KAZN: variants seen among roughly 807,000 people sequenced by gnomAD.
KAZN encodes kazrin.
A neutral mutation model predicts 87.4 loss-of-function variants in KAZN; 40 were observed. That is an observed-to-expected ratio of 0.46 (90% CI 0.36 to 0.60). The LOEUF is 0.60. Among genes scored for constraint, KAZN ranks in the 20% least tolerant of loss-of-function variants. KAZN has a pLI of 0.00. For missense variants in KAZN, 898 were observed against 1,073.9 expected, an observed-to-expected ratio of 0.84 and a Z score of 2.29; for synonymous variants, 466 against 458.3, an observed-to-expected ratio of 1.02 and a Z score of -0.22.
chr1:14,208,496 G>T (rs1646788425), intron 2 of KAZN, among the ~76,000 whole-genome samples: 1 of 152,118 alleles, frequency 6.6e-6, no homozygotes, highest in Admixed American at 6.5e-5. Context: ...AGTAGACAGA[G>T]TGAAAAAAAG....
intron 2 of KAZN, among the ~76,000 whole-genome samples, chr1:14,995,823 A>T (rs1667807171): frequency 6.6e-6 from 1 of 152,044 alleles, no homozygotes; most frequent in African/African-American, 2.4e-5. Flanking sequence ...ACCTTCATTT[A>T]TTCTAGGCTC....
chr1:14,837,284 C>T (rs879484173), intron 1 of KAZN, among the ~76,000 whole-genome samples: 6 of 151,280 alleles, frequency 4.0e-5, no homozygotes, highest in East Asian at 2.0e-4. Flanking sequence ...CCGCAACCTC[C>T]GCTTCCCAGG....
At chr1:13,955,159 G>A (rs921320469) in intron 1 of KAZN, among the ~76,000 whole-genome samples, 1 of 152,130 alleles carries the variant, frequency 6.6e-6, no homozygotes, top group African/African-American at 2.4e-5. Context: ...TATATGGGTG[G>A]TGAATTGTGG....
chr1:14,386,820 T>C (rs574829731), intron 2 of KAZN, among the ~76,000 whole-genome samples: 1 of 152,170 alleles, frequency 6.6e-6, no homozygotes, highest in Admixed American at 6.6e-5. Context: ...AGGAGTATCT[T>C]TGTGGCGTTC....
intron 2 of KAZN, among the ~76,000 whole-genome samples, chr1:14,389,477 A>T (rs934745866): frequency 5.9e-4 from 78 of 131,348 alleles, no homozygotes; most frequent in Admixed American, 1.3e-3. Flanking sequence ...ATGAATGGAT[A>T]AAAAAAAATG....
chr1:14,081,024 T>C (rs1643654486), intron 1 of KAZN, among the ~76,000 whole-genome samples: 1 of 152,138 alleles, frequency 6.6e-6, no homozygotes, highest in Non-Finnish European at 1.5e-5. Flanking sequence ...ACCTTTTAGC[T>C]AGCAAGGGTT....
At chr1:14,866,365 C>T (rs908954061) in intron 1 of KAZN, among the ~76,000 whole-genome samples, 2 of 152,202 alleles carry the variant, frequency 1.3e-5, no homozygotes, top group African/African-American at 4.8e-5. Flanking sequence ...CCCATAAGCT[C>T]CTGGTCAAGG....
chr1:14,430,220 A>C (rs1665972228), intron 2 of KAZN, among the ~76,000 whole-genome samples: 1 of 152,170 alleles, frequency 6.6e-6, no homozygotes, highest in African/African-American at 2.4e-5. Context: ...AACCAAAAAA[A>C]AAAAAAAAAA....
chr1:14,412,944 T>G (rs944616742), intron 2 of KAZN, among the ~76,000 whole-genome samples: 3 of 149,210 alleles, frequency 2.0e-5, no homozygotes, highest in Admixed American at 6.7e-5. Context: ...TAATCCTATA[T>G]ATAATACATA....
chr1:14,498,940 C>T (rs1670096499), intron 2 of KAZN, among the ~76,000 whole-genome samples: 1 of 152,012 alleles, frequency 6.6e-6, no homozygotes, highest in African/African-American at 2.4e-5. Flanking sequence ...TCTTGCCTGT[C>T]CTCGGTGCTT....
At chr1:14,751,944 A>C (rs560439198) in intron 1 of KAZN, among the ~76,000 whole-genome samples, 78 of 152,150 alleles carry the variant, frequency 5.1e-4, no homozygotes, top group African/African-American at 1.7e-3. Context: ...GAAGAAAAAA[A>C]GTTTTATTTG....
At chr1:13,910,215 G>GT (rs1411841877) in intron 1 of KAZN, among the ~76,000 whole-genome samples, 1 of 152,152 alleles carries the variant, frequency 6.6e-6, no homozygotes, top group Admixed American at 6.5e-5. Flanking sequence ...TTGTTTAAAA[G>GT]TATGTGACAC....
intron 1 of KAZN, among the ~76,000 whole-genome samples, chr1:14,167,542 G>A (rs1030918508): frequency 6.6e-6 from 1 of 152,084 alleles, no homozygotes; most frequent in Non-Finnish European, 1.5e-5. Flanking sequence ...GGCCAACATG[G>A]GGAAACCCCA....
chr1:14,299,994 G>T (rs1044214329), intron 2 of KAZN, among the ~76,000 whole-genome samples: 4 of 152,106 alleles, frequency 2.6e-5, no homozygotes, highest in East Asian at 1.9e-4. Context: ...TTTTGTGGGG[G>T]TAGGAGGGGG....
At chr1:14,818,947 T>A (rs1438532517) in intron 1 of KAZN, among the ~76,000 whole-genome samples, 2 of 152,122 alleles carry the variant, frequency 1.3e-5, no homozygotes, top group Non-Finnish European at 2.9e-5. Flanking sequence ...CCCAGCTGCC[T>A]GGGAGGCTGA....
At chr1:14,116,631 A>T (rs1262857028) in intron 1 of KAZN, among the ~76,000 whole-genome samples, 2 of 152,320 alleles carry the variant, frequency 1.3e-5, no homozygotes, top group East Asian at 3.9e-4. Context: ...AGAGCCCCCC[A>T]CATGGAGTCC....
intron 2 of KAZN, among the ~76,000 whole-genome samples, chr1:14,302,944 G>A (rs896317840): frequency 1.3e-5 from 2 of 152,168 alleles, no homozygotes; most frequent in African/African-American, 2.4e-5. Flanking sequence ...GGAGGCTGCA[G>A]CAAGGTGGGA....
intron 1 of KAZN, among the ~76,000 whole-genome samples, chr1:14,783,949 T>TC (rs1645429160): frequency 6.6e-6 from 1 of 152,146 alleles, no homozygotes; most frequent in Non-Finnish European, 1.5e-5. Context: ...GTTGGGGTCC[T>TC]CATCTGTGGA....
At position 14,708,297 on chromosome 1, in the gene KAZN, G is replaced by A. The variant is rs186103583; in HGVS notation, c.226+109074G>A. Among the ~76,000 whole-genome samples the A allele has an allele frequency of 5.4e-4, 83 of 152,360 alleles. 1 individual carries two copies. The highest frequency in any genetic ancestry group is 1.9e-3 in the African/African-American group (79 of 41,576). ...CAGGACTTTTCACTCTGAAGTTCCA[G>A]TAAGGAGAACTCAGAGGTGATTAAC... On this transcript the variant is annotated intron_variant, in intron 1 of 14. Coordinates refer to ENST00000376030, the MANE Select transcript of KAZN (RefSeq NM_201628.3).
Sources: gnomAD v4.1 joint callset for allele counts (sites outside exome capture counted in the v4.1 genomes callset) on GRCh38, gnomAD v4.1.1 for gene constraint, MANE v1.5 for transcripts, NCBI Gene and HGNC (gene_info 2026-07-23, HGNC 2026-07-21) for gene names.